LRRC37A2: variants seen among roughly 807,000 people sequenced by gnomAD.
The protein encoded by LRRC37A2 is leucine-rich repeat-containing protein 37A2.
In LRRC37A2, 9 loss-of-function variants were observed where a neutral mutation model predicts 68.8. The observed-to-expected ratio is 0.13, with a 90% CI of 0.08 to 0.23. The LOEUF is 0.23. Among genes scored for constraint, LRRC37A2 ranks in the 10% least tolerant of loss-of-function variants. LRRC37A2 has a pLI of 1.00. For missense variants in LRRC37A2, 168 were observed against 950.4 expected (o/e 0.18, Z 10.82); for synonymous variants, 63 against 367.6 (o/e 0.17, Z 9.48).
chr17:46,979,441 A>G, the LRRC37A2 span, among the ~76,000 whole-genome samples: 32 of 152,312 alleles, frequency 2.1e-4, no homozygotes, highest in African/African-American at 7.7e-4. Flanking sequence ...CGGGCCGGCG[A>G]AACTCCACCC....
At chr17:46,398,228 T>C in the LRRC37A2 span, among the ~76,000 whole-genome samples, 1 of 126,222 alleles carries the variant, frequency 7.9e-6, no homozygotes, top group Non-Finnish European at 1.7e-5. Flanking sequence ...TTATATGATA[T>C]GATATATATA....
At chr17:46,896,303 AAAAGAAAG>A in the LRRC37A2 span, among the ~76,000 whole-genome samples, 2 of 151,242 alleles carry the variant, frequency 1.3e-5, no homozygotes, top group African/African-American at 2.4e-5. Flanking sequence ...CAAAAAAAGA[AAAAGAAAG>A]AAAGAAAGAA....
At chr17:46,756,719 GACTT>G in the LRRC37A2 span, 2 of 152,540 alleles carry the variant, frequency 1.3e-5, no homozygotes, top group African/African-American at 2.4e-5. Flanking sequence ...TTAGCTTAAT[GACTT>G]ACTTAGAATT....
At chr17:46,864,361 C>T in the LRRC37A2 span, among the ~76,000 whole-genome samples, 2 of 152,358 alleles carry the variant, frequency 1.3e-5, no homozygotes, top group African/African-American at 4.8e-5. Context: ...CTTCTCTTCA[C>T]ATACCAGGCC....
the LRRC37A2 span, among the ~76,000 whole-genome samples, chr17:46,492,706 T>G: frequency 8.8e-3 from 1,229 of 140,150 alleles, no homozygotes; most frequent in Admixed American, 0.016. Flanking sequence ...TTTTTTTTTT[T>G]TTTTTGAGAT....
the LRRC37A2 span, chr17:47,035,065 G>A: frequency 6.6e-6 from 1 of 152,192 alleles, no homozygotes; most frequent in East Asian, 1.9e-4. Context: ...TCAAGGGAGA[G>A]TGAATCTTCA....
chr17:46,864,850 T>G, the LRRC37A2 span, among the ~76,000 whole-genome samples: 1 of 152,144 alleles, frequency 6.6e-6, no homozygotes, highest in African/African-American at 2.4e-5. Flanking sequence ...GGCATGCCCT[T>G]GCCCTCCTGC....
the LRRC37A2 span, among the ~76,000 whole-genome samples, chr17:46,606,179 CA>C: frequency 6.9e-4 from 2 of 2,886 alleles, no homozygotes; most frequent in Non-Finnish European, 9.9e-4. Context: ...AACTCCGTCT[CA>C]AAAAAAAAAA....
At chr17:46,899,785 A>G in the LRRC37A2 span, among the ~76,000 whole-genome samples, 2 of 152,118 alleles carry the variant, frequency 1.3e-5, no homozygotes, top group African/African-American at 4.8e-5. Context: ...TTGTATCCCC[A>G]TAGAACTGTT....
the LRRC37A2 span, among the ~76,000 whole-genome samples, chr17:46,779,103 AC>A: frequency 2.8e-4 from 38 of 133,664 alleles, 2 homozygotes; most frequent in African/African-American, 1.0e-3. Flanking sequence ...ACACACACAC[AC>A]CCCAGCCCAC....
the LRRC37A2 span, chr17:46,940,707 C>G: frequency 6.2e-7 from 1 of 1,606,012 alleles, no homozygotes; most frequent in South Asian, 1.1e-5. Context: ...CCAGTGCTTT[C>G]CACACTTGAC....
the LRRC37A2 span, among the ~76,000 whole-genome samples, chr17:46,723,513 GAAAT>G: frequency 6.6e-6 from 1 of 152,176 alleles, no homozygotes; most frequent in Non-Finnish European, 1.5e-5. Context: ...TCAAGAGACT[GAAAT>G]AAATATCCTA....
At chr17:46,904,446 C>CTGGA in the LRRC37A2 span, among the ~76,000 whole-genome samples, 465 of 137,076 alleles carry the variant, frequency 3.4e-3, 4 homozygotes, top group African/African-American at 0.012. Flanking sequence ...GGCTGGCTGA[C>CTGGA]TGGATGGATG....
At chr17:46,394,622 T>C in the LRRC37A2 span, among the ~76,000 whole-genome samples, 1 of 76,470 alleles carries the variant, frequency 1.3e-5, no homozygotes, top group African/African-American at 3.7e-5. Flanking sequence ...ATGGTCATAC[T>C]TTTTTTTTTT....
At chr17:46,541,258 T>C (rs536952918) in intron 8 of LRRC37A2, among the ~76,000 whole-genome samples, 15 of 150,554 alleles carry the variant, frequency 1.0e-4, no homozygotes, top group African/African-American at 1.5e-4. Flanking sequence ...CCTAATTTTT[T>C]TTTTTGTTTT....
the LRRC37A2 span, chr17:46,751,572 A>T: frequency 3.1e-6 from 5 of 1,614,124 alleles, no homozygotes; most frequent in East Asian, 1.1e-4. Context: ...GAAGGTCTGG[A>T]TAGGAATCAA....
chr17:46,955,619 C>T, the LRRC37A2 span: 39 of 152,234 alleles, frequency 2.6e-4, no homozygotes, highest in Admixed American at 4.6e-4. Context: ...AGGCCAAGCA[C>T]ACCTCTGAAG....
At chr17:46,685,565 A>G in the LRRC37A2 span, among the ~76,000 whole-genome samples, 3 of 151,736 alleles carry the variant, frequency 2.0e-5, no homozygotes, top group South Asian at 4.2e-4. Flanking sequence ...CTCTGTTTCT[A>G]TGGAGAAAGA....
At chr17:46,934,328 C>A in the LRRC37A2 span, among the ~76,000 whole-genome samples, 1 of 152,124 alleles carries the variant, frequency 6.6e-6, no homozygotes, top group Admixed American at 6.6e-5. Flanking sequence ...CATGGTGAAA[C>A]CCTGTCTCTA....
Sources: gnomAD v4.1 joint callset for allele counts (sites outside exome capture counted in the v4.1 genomes callset) on GRCh38, gnomAD v4.1.1 for gene constraint, MANE v1.5 for transcripts, NCBI Gene and HGNC (gene_info 2026-07-23, HGNC 2026-07-21) for gene names.